NTRK3: variants seen among roughly 807,000 people sequenced by gnomAD.
NTRK3 encodes NT-3 growth factor receptor.
A neutral mutation model predicts 91.7 loss-of-function variants in NTRK3; 24 were observed. The observed-to-expected ratio is 0.26, with a 90% CI of 0.19 to 0.37. The LOEUF is 0.37. Among genes scored for constraint, NTRK3 ranks in the 10% least tolerant of loss-of-function variants. NTRK3 has a pLI of 1.00. For synonymous variants in NTRK3, 483 were observed against 404.0 expected (o/e 1.20, Z -2.34); for missense variants, 880 against 1,068.9 (o/e 0.82, Z 2.46).
intron 15 of NTRK3, among the ~76,000 whole-genome samples, chr15:87,936,687 C>G (rs1339371357): frequency 6.6e-6 from 1 of 152,018 alleles, no homozygotes; most frequent in African/African-American, 2.4e-5. Context: ...CACACACACG[C>G]ACGCACACAT....
intron 14 of NTRK3, among the ~76,000 whole-genome samples, chr15:88,015,026 T>A (rs1423296948): frequency 6.6e-6 from 1 of 152,226 alleles, no homozygotes; most frequent in African/African-American, 2.4e-5. Context: ...ATCGCTCTCA[T>A]TTTCTACATA....
At position 87,967,798 on chromosome 15, in the gene NTRK3, C is replaced by CAT. The variant is rs201806123; in HGVS notation, c.1586-27047_1586-27046dup. ...ATTTTCCACATTCCTAGCAACTGAA[C>CAT]ATGCATGGTTGTAGCCAGTTTGCTT... On this transcript the variant is annotated intron_variant, in intron 14 of 18. Coordinates refer to ENST00000394480, the Ensembl canonical transcript of NTRK3. 2.2e-4 allele frequency among the ~76,000 whole-genome samples: 34 copies of CAT among 152,306 alleles called. 1 individual carries two copies. The East Asian group carries it at 6.4e-3, about 29-fold the overall frequency.
chr15:87,892,114 G>T (rs62019184), intron 17 of NTRK3, among the ~76,000 whole-genome samples: 1 of 62,248 alleles, frequency 1.6e-5, no homozygotes, highest in African/African-American at 5.1e-5. Flanking sequence ...ACACACACAC[G>T]CACGCACACA....
chr15:87,937,839 G>T (rs115467380), intron 15 of NTRK3, among the ~76,000 whole-genome samples: 21 of 152,114 alleles, frequency 1.4e-4, no homozygotes, highest in African/African-American at 5.1e-4. Flanking sequence ...TAAAAGATAT[G>T]GTCTTTGAAG....
chr15:88,101,384 T>C (rs1441728202), intron 13 of NTRK3, among the ~76,000 whole-genome samples: 2 of 152,164 alleles, frequency 1.3e-5, no homozygotes, highest in Non-Finnish European at 2.9e-5. Context: ...CTGGAAAGGA[T>C]GTGGAGAAAT....
intron 13 of NTRK3, among the ~76,000 whole-genome samples, chr15:88,094,326 G>A (rs1351060919): frequency 1.1e-4 from 16 of 151,700 alleles, no homozygotes; most frequent in East Asian, 5.8e-4. Flanking sequence ...AAAATTAGCC[G>A]GGCGCGGTGG....
intron 17 of NTRK3, among the ~76,000 whole-genome samples, chr15:87,895,781 T>A (rs1231843807): frequency 1.5e-4 from 2 of 13,542 alleles, no homozygotes; most frequent in African/African-American, 2.3e-4. Context: ...TCCTTTATCT[T>A]TTTTTTTTCA....
At chr15:87,929,245 C>T (rs2141910503) in exon 17 of NTRK3, 1 of 1,614,138 alleles carries the variant, frequency 6.2e-7, no homozygotes, top group African/African-American at 1.3e-5. Flanking sequence ...CCCCAATCTT[C>T]ACTAGCAGAT....
At position 88,233,242 on chromosome 15, in the gene NTRK3, C is replaced by T. The variant is rs575827701; in HGVS notation, c.248+22664G>A. On this transcript the variant is annotated intron_variant, in intron 3 of 18. Coordinates refer to ENST00000394480, the Ensembl canonical transcript of NTRK3. This position sits in a 1 kb window ranked among gnomAD's most constrained non-coding sequence, Gnocchi z 4.2. ...TTGCCAATAAATAACCCCCCCGCCCCCAGTGTAATCTCTCAGTATCCAGGA... is the reference window on the plus strand; with the variant it reads ...TTGCCAATAAATAACCCCCCCGCCCTCAGTGTAATCTCTCAGTATCCAGGA... 1.3e-5 allele frequency among the ~76,000 whole-genome samples: 2 copies of T among 152,222 alleles called. No individual in the cohort carries two copies. The highest frequency in any genetic ancestry group is 1.9e-4 in the East Asian group (1 of 5,170).
intron 14 of NTRK3, among the ~76,000 whole-genome samples, chr15:88,002,321 C>G (rs1224025950): frequency 6.6e-6 from 1 of 151,886 alleles, no homozygotes; most frequent in Non-Finnish European, 1.5e-5. Context: ...TAAGTTCAGC[C>G]AAGGATGGAT....
exon 19 of NTRK3, chr15:87,871,363 G>T (rs1250423098): frequency 8.6e-6 from 2 of 231,276 alleles, no homozygotes; most frequent in East Asian, 6.1e-5. Context: ...AATACCCAAT[G>T]CAGTGACACA....
intron 3 of NTRK3, among the ~76,000 whole-genome samples, chr15:88,208,843 G>C (rs145476474): frequency 6.6e-6 from 1 of 152,152 alleles, no homozygotes. Context: ...CAATTTCATT[G>C]GTCTGCAGTA....
At chr15:88,022,633 C>T (rs1331066599) in intron 14 of NTRK3, among the ~76,000 whole-genome samples, 1 of 152,114 alleles carries the variant, frequency 6.6e-6, no homozygotes, top group Non-Finnish European at 1.5e-5. Context: ...ACAGAAAGGA[C>T]CCACTCCATA....
chr15:87,937,279 A>T (rs1182326095), intron 15 of NTRK3, among the ~76,000 whole-genome samples: 1 of 152,236 alleles, frequency 6.6e-6, no homozygotes, highest in Non-Finnish European at 1.5e-5. Context: ...GTAATTACTT[A>T]ATGTAATGAA....
At chr15:87,962,794 C>T (rs552008890) in intron 14 of NTRK3, among the ~76,000 whole-genome samples, 11 of 152,312 alleles carry the variant, frequency 7.2e-5, no homozygotes, top group Non-Finnish European at 1.5e-4. Flanking sequence ...GGTACTACCT[C>T]CCAACCCTCA....
intron 6 of NTRK3, among the ~76,000 whole-genome samples, chr15:88,139,345 T>C (rs1464626286): frequency 6.6e-6 from 1 of 152,288 alleles, no homozygotes; most frequent in African/African-American, 2.4e-5. Context: ...TTCTGGACCA[T>C]CAAGGAGATG....
intron 14 of NTRK3, among the ~76,000 whole-genome samples, chr15:87,942,436 C>T (rs1012268613): frequency 6.6e-6 from 1 of 152,198 alleles, no homozygotes; most frequent in Non-Finnish European, 1.5e-5. Flanking sequence ...TAAAGAGTCT[C>T]CCACTGCGAG....
intron 13 of NTRK3, among the ~76,000 whole-genome samples, chr15:88,116,103 G>A (rs2052036413): frequency 6.6e-6 from 1 of 152,134 alleles, no homozygotes; most frequent in Admixed American, 6.5e-5. Flanking sequence ...CTCCTTCAGT[G>A]GGGGCAACAG....
intron 14 of NTRK3, among the ~76,000 whole-genome samples, chr15:88,005,290 A>T (rs2076407827): frequency 6.6e-6 from 1 of 152,152 alleles, no homozygotes; most frequent in Non-Finnish European, 1.5e-5. Flanking sequence ...TTCATTCAGG[A>T]CTTCTGATGG....
Sources: gnomAD v4.1 joint callset for allele counts (sites outside exome capture counted in the v4.1 genomes callset) on GRCh38, gnomAD v4.1.1 for gene constraint, Gnocchi (gnomAD v3.1) non-coding constraint, MANE v1.5 for transcripts, NCBI Gene and HGNC (gene_info 2026-07-23, HGNC 2026-07-21) for gene names.